Variants in SEPTIN9 observed in about 807,000 individuals in gnomAD.
The protein encoded by SEPTIN9 is septin-9.
In SEPTIN9, 13 loss-of-function variants were observed where a neutral mutation model predicts 56.6. The observed-to-expected ratio is 0.23, with a 90% CI of 0.15 to 0.37. SEPTIN9 has a LOEUF of 0.37. Among genes scored for constraint, SEPTIN9 ranks in the 10% least tolerant of loss-of-function variants. The probability of loss-of-function intolerance (pLI) is 1.00; values close to 1 mark genes in which losing one functional copy is unlikely to be tolerated. For synonymous variants in SEPTIN9, 332 were observed against 334.1 expected (o/e 0.99, Z 0.07); for missense variants, 650 against 823.1 (o/e 0.79, Z 2.57).
intron 2 of SEPTIN9, among the ~76,000 whole-genome samples, chr17:77,328,585 C>T (rs1408932849): frequency 2.6e-5 from 4 of 152,056 alleles, no homozygotes; most frequent in African/African-American, 9.7e-5. Context: ...AGGCTGGTCC[C>T]GATCTCCTGA....
chr17:77,430,716 G>T (rs1362932358), intron 3 of SEPTIN9, among the ~76,000 whole-genome samples: 1 of 152,168 alleles, frequency 6.6e-6, no homozygotes, highest in Non-Finnish European at 1.5e-5. Context: ...GCAGGCCGAG[G>T]GTGGTGGCTC....
intron 1 of SEPTIN9, among the ~76,000 whole-genome samples, chr17:77,301,394 T>TTGTGTGTGTGTG (rs56947697): frequency 6.4e-4 from 91 of 142,518 alleles, no homozygotes; most frequent in African/African-American, 2.2e-3. Flanking sequence ...GGGAATAGAT[T>TTGTGTGTGTGTG]TGTGTGTGTG....
chr17:77,445,808 C>A lies in SEPTIN9; in HGVS notation c.722-36336C>A, dbSNP rs1035102585. Reference sequence around the variant, plus strand: ...CCTGTGACCCTTCTGTTGGGTGGGTCACGAGGAAGGACTGTGGGTGTTGCC... The same window carrying A: ...CCTGTGACCCTTCTGTTGGGTGGGTAACGAGGAAGGACTGTGGGTGTTGCC... On this transcript the variant is annotated intron_variant, in intron 3 of 11. Transcript: ENST00000427177. This position sits in a 1 kb window ranked among gnomAD's most constrained non-coding sequence, Gnocchi z 4.7. 2.9e-5 allele frequency: 6 copies of A among 209,662 alleles called. No homozygotes were observed. Among genetic ancestry groups the A allele is most frequent in the African/African-American group, 1.4e-4 (6 of 42,966 alleles). 13.0% of individuals were successfully genotyped at this position (209,662 alleles called of 1,614,324 possible).
chr17:77,319,976 T>C lies in SEPTIN9; in HGVS notation c.76+12779T>C. 1 of 1,218,826 alleles carries C rather than the reference T, an allele frequency of 8.2e-7. No individual in the cohort carries two copies. The highest frequency in any genetic ancestry group is 1.0e-6 in the Non-Finnish European group (1 of 972,840). 75.5% of individuals were successfully genotyped at this position (1,218,826 alleles called of 1,614,324 possible). A position where few individuals can be genotyped will look rare whatever the true frequency, so the allele number is the denominator to read the frequency against. ...CCGGGCGGCCGGGACTCTGGGACTC[T>C]CGCAGGCAGACCCGGTGGTCTGCCG... On this transcript the variant is annotated intron_variant, in intron 2 of 11. Coordinates refer to ENST00000427177, the MANE Select transcript of SEPTIN9 (RefSeq NM_001113491.2). This position sits in a 1 kb window ranked among gnomAD's most constrained non-coding sequence, Gnocchi z 5.3.
At position 77,310,541 on chromosome 17, in the gene SEPTIN9, C is replaced by T. The variant is rs111677981; in HGVS notation, c.76+3344C>T. Among the ~76,000 whole-genome samples, 15 of 152,160 alleles carry T rather than the reference C, an allele frequency of 9.9e-5. No homozygotes were observed. The highest frequency in any genetic ancestry group is 2.9e-4 in the African/African-American group (12 of 41,438). On this transcript the variant is annotated intron_variant, in intron 2 of 11. Coordinates refer to ENST00000427177, the MANE Select transcript of SEPTIN9 (RefSeq NM_001113491.2). The surrounding 1 kb of genome is among the most constrained non-coding windows in gnomAD (Gnocchi z 4.7). ...CCGTCCCGTGGCCCACTGGTGACAT[C>T]GCCGAAGGTCTTCTCTGTTACTAGT...
In SEPTIN9 at chr17:77,290,123, C is replaced by A. The variant is rs1043782529; in HGVS notation, c.19+8569C>A. Among the ~76,000 whole-genome samples, 3 of 152,098 alleles carry A rather than the reference C, an allele frequency of 2.0e-5. No individual in the cohort carries two copies. In the East Asian group the frequency reaches 5.8e-4, roughly 29 times the overall value. On this transcript the variant is annotated intron_variant, in intron 1 of 11. Coordinates refer to ENST00000427177, the MANE Select transcript of SEPTIN9 (RefSeq NM_001113491.2). ...CCAGCTGCTGGTGTGGACGCTCCTCCTTGATGGTGTGGGTCTGGGCCCCTG... is the reference window on the plus strand; with the variant it reads ...CCAGCTGCTGGTGTGGACGCTCCTCATTGATGGTGTGGGTCTGGGCCCCTG...
chr17:77,321,464 A>C (rs1261145695), intron 2 of SEPTIN9, among the ~76,000 whole-genome samples: 29 of 148,522 alleles, frequency 2.0e-4, no homozygotes, highest in Non-Finnish European at 1.6e-4. Context: ...CAGTGGCGCG[A>C]TCTCAGCTCA....
rs2032811082 is a variant in SEPTIN9 at position 77,319,208 on chromosome 17, G to C, written c.76+12011G>C. Among the ~76,000 whole-genome samples the C allele has an allele frequency of 6.6e-6, 1 of 152,150 alleles. No individual in the cohort carries two copies. Among genetic ancestry groups the C allele is most frequent in the Non-Finnish European group, 1.5e-5 (1 of 68,012 alleles). On this transcript the variant is annotated intron_variant, in intron 2 of 11. Transcript: ENST00000427177. The surrounding 1 kb of genome is among the most constrained non-coding windows in gnomAD (Gnocchi z 5.3). ...GGTGAAGCTTAAAGACAGAGAGGAT[G>C]CCCCTGATTCCCACCCCAGGGACCC...
At position 77,314,147 on chromosome 17, in the gene SEPTIN9, C is replaced by T. The variant is rs188008465; in HGVS notation, c.76+6950C>T. Among the ~76,000 whole-genome samples the T allele has an allele frequency of 7.5e-4, 113 of 151,010 alleles. 1 individual carries two copies. Among genetic ancestry groups the T allele is most frequent in the African/African-American group, 2.6e-3 (105 of 41,078 alleles). On this transcript the variant is annotated intron_variant, in intron 2 of 11. Transcript: ENST00000427177. The stretch of plus-strand genomic sequence containing the variant: ...TCACGTCACTGTCCTCCAGCCTGGG[C>T]AAAGGGAGTAAGGCCCTGTTTCAAA...
In SEPTIN9 at chr17:77,498,687, GC is replaced by G; in HGVS notation, c.*34del. 1 of 1,395,398 alleles carries G rather than the reference GC, an allele frequency of 7.2e-7. No individual in the cohort carries two copies. Among genetic ancestry groups the G allele is most frequent in the Non-Finnish European group, 9.5e-7 (1 of 1,056,234 alleles). The allele number at this position is 1,395,398 out of a possible 1,614,324, so 86.4% of individuals were successfully genotyped here. A position where few individuals can be genotyped will look rare whatever the true frequency, so the allele number is the denominator to read the frequency against. On this transcript the variant is annotated 3_prime_UTR_variant, in exon 12 of 12. Coordinates refer to ENST00000427177, the MANE Select transcript of SEPTIN9 (RefSeq NM_001113491.2). ...CCACCCTGCCCACCCCCGGGATCCT[GC>G]CCCCAAGTCATTTCCGTCCCCCCCC...
chr17:77,354,854 T>C (rs2034175882), intron 2 of SEPTIN9, among the ~76,000 whole-genome samples: 1 of 152,034 alleles, frequency 6.6e-6, no homozygotes, highest in Non-Finnish European at 1.5e-5. Flanking sequence ...TGCTGGGCGC[T>C]TGCTCTTCAG....
intron 3 of SEPTIN9, among the ~76,000 whole-genome samples, chr17:77,472,252 C>T (rs1177876402): frequency 6.6e-6 from 1 of 152,200 alleles, no homozygotes; most frequent in Admixed American, 6.5e-5. Flanking sequence ...ACTTTACCGA[C>T]TGGGGCCAAT....
intron 3 of SEPTIN9, among the ~76,000 whole-genome samples, chr17:77,422,416 C>T (rs912612697): frequency 1.3e-5 from 2 of 152,174 alleles, no homozygotes; most frequent in Non-Finnish European, 2.9e-5. Flanking sequence ...ATTGGCGTGG[C>T]CAGCGAATGG....
chr17:77,320,400 G>T, intron 2 of SEPTIN9: 2 of 1,519,582 alleles, frequency 1.3e-6, no homozygotes, highest in Non-Finnish European at 1.8e-6. Context: ...CCTGGACTCG[G>T]GGCTTTATTT....
chr17:77,456,997 G>A lies in SEPTIN9; in HGVS notation c.722-25147G>A, dbSNP rs1171352054. On this transcript the variant is annotated intron_variant, in intron 3 of 11. Transcript: ENST00000427177. This position sits in a 1 kb window ranked among gnomAD's most constrained non-coding sequence, Gnocchi z 6.0. ...CAGGAGCCAGCCTGGCCATCCTGAG[G>A]CACTAAGCCATCACTGCGGTCTCAG... is the stretch of plus-strand genomic sequence containing the variant. Among the ~76,000 whole-genome samples, 4 of 152,226 alleles carry A rather than the reference G, an allele frequency of 2.6e-5. No individual in the cohort carries two copies. Among genetic ancestry groups the A allele is most frequent in the Non-Finnish European group, 5.9e-5 (4 of 68,036 alleles).
intron 2 of SEPTIN9, among the ~76,000 whole-genome samples, chr17:77,354,739 G>A (rs944911726): frequency 6.6e-6 from 1 of 152,056 alleles, no homozygotes; most frequent in Non-Finnish European, 1.5e-5. Flanking sequence ...GCGCAGGCGC[G>A]AAGCCATCTT....
chr17:77,435,498 C>T lies in SEPTIN9; in HGVS notation c.721+32795C>T, dbSNP rs550698784. ...AGTAGAGCAACCATGCCGGGCGGGTCGTCGTGCCCCAGTGCCGCCTGCCCT... is the reference window on the plus strand; with the variant it reads ...AGTAGAGCAACCATGCCGGGCGGGTTGTCGTGCCCCAGTGCCGCCTGCCCT... On this transcript the variant is annotated intron_variant, in intron 3 of 11. Coordinates refer to ENST00000427177, the MANE Select transcript of SEPTIN9 (RefSeq NM_001113491.2). This position sits in a 1 kb window ranked among gnomAD's most constrained non-coding sequence, Gnocchi z 4.5. 2.0e-5 allele frequency among the ~76,000 whole-genome samples: 3 copies of T among 152,294 alleles called. No homozygotes were observed. The highest frequency in any genetic ancestry group is 1.9e-4 in the East Asian group (1 of 5,170).
chr17:77,442,559 G>C (rs1179915077), intron 3 of SEPTIN9, among the ~76,000 whole-genome samples: 2 of 147,578 alleles, frequency 1.4e-5, no homozygotes, highest in Non-Finnish European at 3.0e-5. Context: ...ATCTTAATAG[G>C]AAAAAAGGAA....
chr17:77,422,739 C>A (rs1026619467), intron 3 of SEPTIN9, among the ~76,000 whole-genome samples: 3 of 152,302 alleles, frequency 2.0e-5, no homozygotes, highest in African/African-American at 7.2e-5. Flanking sequence ...TGTTCTGCCC[C>A]CTGGCTCTTG....
Sources: allele counts gnomAD v4.1 joint callset (sites outside exome capture counted in the v4.1 genomes callset), GRCh38; gene constraint gnomAD v4.1.1; non-coding constraint Gnocchi (gnomAD v3.1); transcripts MANE v1.5; gene names NCBI Gene and HGNC (gene_info 2026-07-23, HGNC 2026-07-21).